Variants in OXCT1 observed in about 807,000 individuals in gnomAD.
The protein encoded by OXCT1 is 3-oxoacid CoA-transferase 1, also known as succinyl-CoA:3-ketoacid coenzyme A transferase 1, mitochondrial.
A neutral mutation model predicts 69.6 loss-of-function variants in OXCT1; 27 were observed. The observed-to-expected ratio is 0.39, with a 90% CI of 0.29 to 0.54. The LOEUF (loss-of-function observed/expected upper bound fraction) is 0.54, where lower values mean the gene tolerates loss of function less well. Among genes scored for constraint, OXCT1 ranks in the 20% least tolerant of loss-of-function variants. The probability of loss-of-function intolerance (pLI) is 0.72; values close to 1 mark genes in which losing one functional copy is unlikely to be tolerated. For missense variants in OXCT1, 437 were observed against 650.2 expected (o/e 0.67, Z 3.57); for synonymous variants, 202 against 217.8 (o/e 0.93, Z 0.64).
intron 1 of OXCT1, among the ~76,000 whole-genome samples, chr5:41,863,716 G>A (rs571563287): frequency 1.3e-5 from 2 of 152,304 alleles, no homozygotes; most frequent in Admixed American, 1.3e-4. Context: ...TAGCAATGGT[G>A]TCATCAAGCA....
intron 1 of OXCT1, among the ~76,000 whole-genome samples, chr5:41,867,633 A>G (rs1406855926): frequency 6.6e-6 from 1 of 152,206 alleles, no homozygotes; most frequent in African/African-American, 2.4e-5. Context: ...GAACAAAACA[A>G]GGAATGGGAA....
At chr5:41,835,425 A>G (rs1748304047) in intron 7 of OXCT1, among the ~76,000 whole-genome samples, 1 of 152,232 alleles carries the variant, frequency 6.6e-6, no homozygotes, top group African/African-American at 2.4e-5. Flanking sequence ...GCTCTTATAA[A>G]TAAGTCTTAG....
At chr5:41,788,060 T>C (rs1270628446) in intron 13 of OXCT1, among the ~76,000 whole-genome samples, 1 of 152,262 alleles carries the variant, frequency 6.6e-6, no homozygotes, top group East Asian at 1.9e-4. Context: ...GCAAAAATAA[T>C]AGCGAAGTAT....
At chr5:41,861,451 G>T in intron 2 of OXCT1, 47 bp from the exon 3 acceptor site, 1 of 1,060,850 alleles carries the variant, frequency 9.4e-7, no homozygotes, top group Non-Finnish European at 1.5e-6. Flanking sequence ...GGGTAACAAT[G>T]TTCTTTCAGA....
chr5:41,795,286 C>T (rs1008070763), intron 11 of OXCT1, among the ~76,000 whole-genome samples: 3 of 152,208 alleles, frequency 2.0e-5, no homozygotes, highest in African/African-American at 7.2e-5. Context: ...TCACCTCCTG[C>T]TGTGCAGCCT....
rs541872792 is a variant in OXCT1 at position 41,739,302 on chromosome 5, C to T, written c.1521+88G>A. On this transcript the variant is annotated intron_variant, in intron 16 of 16. Transcript: ENST00000196371. Reference sequence around the variant, plus strand: ...TAAAGGTCAACTCCAAAAATGATCACAAATTAATGGTTCATGTCCTGCAAA... The same window carrying T: ...TAAAGGTCAACTCCAAAAATGATCATAAATTAATGGTTCATGTCCTGCAAA... The T allele has an allele frequency of 3.2e-6, 3 of 923,526 alleles. No homozygotes were observed. The South Asian group carries it at 3.9e-5, about 12-fold the overall frequency. The allele number at this position is 923,526 out of a possible 1,614,324, so 57.2% of individuals were successfully genotyped here.
At chr5:41,768,082 C>T (rs544397420) in intron 13 of OXCT1, among the ~76,000 whole-genome samples, 67 of 152,098 alleles carry the variant, frequency 4.4e-4, no homozygotes, top group Non-Finnish European at 8.8e-4. Context: ...ACTTCGATAT[C>T]CAAAAGTGTC....
chr5:41,751,632 T>C (rs1743791985), intron 14 of OXCT1, among the ~76,000 whole-genome samples: 1 of 152,164 alleles, frequency 6.6e-6, no homozygotes, highest in South Asian at 2.1e-4. Context: ...TAGTGCTTAA[T>C]GAATGTTAGC....
In OXCT1 at chr5:41,807,346, A is replaced by G. The variant is rs751421452; in HGVS notation, c.825T>C (p.Tyr275=). 14 of 1,561,372 alleles carry G rather than the reference A, an allele frequency of 9.0e-6. No homozygotes were observed. In the African/African-American group the frequency reaches 1.4e-4, roughly 15 times the overall value. ...AGTCAATTACCTCAATTCTTTTCTC[A>G]TATTTTTCTCCCTTTATAAGGCGAT... ...YVHRLIKGEK[Y]EKRIERLSIR... The change falls in exon 8 of 17, where the codon TAT becomes TAC. Residue 275 remains tyrosine (Y), a synonymous_variant. Coordinates refer to ENST00000196371, the MANE Select transcript of OXCT1 (RefSeq NM_000436.4).
chr5:41,790,828 T>C (rs1745879318), intron 13 of OXCT1, among the ~76,000 whole-genome samples: 1 of 152,148 alleles, frequency 6.6e-6, no homozygotes, highest in Admixed American at 6.5e-5. Context: ...TCTTTATCCA[T>C]AACCAATAAA....
intron 9 of OXCT1, among the ~76,000 whole-genome samples, chr5:41,805,017 C>T (rs917809876): frequency 7.9e-5 from 12 of 152,042 alleles, no homozygotes; most frequent in African/African-American, 2.9e-4. Flanking sequence ...ATATTAATTG[C>T]ATTAATTATG....
chr5:41,817,854 T>G (rs1747324944), intron 7 of OXCT1, among the ~76,000 whole-genome samples: 1 of 152,096 alleles, frequency 6.6e-6, no homozygotes, highest in South Asian at 2.1e-4. Context: ...CTAGGCACAG[T>G]AATAAGGAAG....
chr5:41,857,467 TG>T (rs1194519307), intron 3 of OXCT1, among the ~76,000 whole-genome samples: 1 of 152,140 alleles, frequency 6.6e-6, no homozygotes, highest in East Asian at 1.9e-4. Flanking sequence ...TAGACTAAAT[TG>T]AGGGGTCCCC....
intron 13 of OXCT1, among the ~76,000 whole-genome samples, chr5:41,785,907 A>C (rs1745618378): frequency 6.6e-6 from 1 of 152,206 alleles, no homozygotes; most frequent in African/African-American, 2.4e-5. Context: ...AGCCTGAAAG[A>C]TGGGGAGTGC....
At chr5:41,755,727 T>C (rs1219304666) in intron 14 of OXCT1, among the ~76,000 whole-genome samples, 3 of 152,092 alleles carry the variant, frequency 2.0e-5, no homozygotes, top group Admixed American at 1.3e-4. Flanking sequence ...ACCTGTGCTA[T>C]AGACACAGAT....
At chr5:41,783,275 C>A (rs960107526) in intron 13 of OXCT1, among the ~76,000 whole-genome samples, 1 of 152,000 alleles carries the variant, frequency 6.6e-6, no homozygotes, top group Non-Finnish European at 1.5e-5. Flanking sequence ...ATCTCTAAAC[C>A]AAAAGAATAG....
intron 9 of OXCT1, 101 bp downstream of exon 9, chr5:41,805,465 AT>A: frequency 1.3e-6 from 1 of 796,352 alleles, no homozygotes; most frequent in Non-Finnish European, 2.2e-6. Flanking sequence ...AAAAGTTACC[AT>A]AGACTAGAGA....
chr5:41,825,985 T>C (rs772333766), intron 7 of OXCT1, among the ~76,000 whole-genome samples: 2 of 152,198 alleles, frequency 1.3e-5, no homozygotes, highest in African/African-American at 4.8e-5. Flanking sequence ...AGAGATAAAA[T>C]GGGTCATTAA....
intron 14 of OXCT1, among the ~76,000 whole-genome samples, chr5:41,752,237 T>C (rs1441945827): frequency 2.6e-5 from 4 of 152,142 alleles, no homozygotes; most frequent in East Asian, 1.9e-4. Context: ...CTTAAATTCT[T>C]TGTGCCATAG....
Sources: gnomAD v4.1 joint callset for allele counts (sites outside exome capture counted in the v4.1 genomes callset) on GRCh38, gnomAD v4.1.1 for gene constraint, MANE v1.5 for transcripts, NCBI Gene and HGNC (gene_info 2026-07-23, HGNC 2026-07-21) for gene names.